The following KIAA1328 variants were observed in gnomAD, a reference collection of about 807,000 sequenced individuals.
KIAA1328 encodes KIAA1328, also known as protein hinderin.
In KIAA1328, 52 loss-of-function variants were observed where a neutral mutation model predicts 68.1. The observed-to-expected ratio is 0.76, with a 90% CI of 0.61 to 0.96. The LOEUF (loss-of-function observed/expected upper bound fraction) is 0.96, where lower values mean the gene tolerates loss of function less well. Ranked by LOEUF, KIAA1328 falls within the 40% of genes least tolerant of loss-of-function variation. KIAA1328 has a pLI of 0.00. For synonymous variants in KIAA1328, 232 were observed against 239.4 expected (o/e 0.97, Z 0.28); for missense variants, 641 against 677.6 (o/e 0.95, Z 0.60).
At chr18:36,993,994 AACT>A (rs1221191755) in intron 6 of KIAA1328, among the ~76,000 whole-genome samples, 2 of 152,126 alleles carry the variant, frequency 1.3e-5, no homozygotes, top group East Asian at 3.9e-4. Flanking sequence ...GAAAAGCTAA[AACT>A]ACAATTCTAT....
chr18:37,069,723 G>A (rs537371777), intron 7 of KIAA1328, among the ~76,000 whole-genome samples: 2 of 152,002 alleles, frequency 1.3e-5, no homozygotes, highest in East Asian at 3.9e-4. Context: ...ATTATCTATT[G>A]GATAATCTGC....
At chr18:37,002,236 T>G (rs1476890317) in intron 6 of KIAA1328, among the ~76,000 whole-genome samples, 1 of 145,810 alleles carries the variant, frequency 6.9e-6, no homozygotes, top group African/African-American at 2.5e-5. Context: ...TTCTTTTTTT[T>G]TTTTTTTTTT....
chr18:36,853,955 G>T (rs2047300925), intron 4 of KIAA1328, among the ~76,000 whole-genome samples: 1 of 152,118 alleles, frequency 6.6e-6, no homozygotes, highest in South Asian at 2.1e-4. Context: ...ACTGCACCCG[G>T]CCCACTGTGT....
chr18:37,207,193 G>C (rs2060231498), intron 9 of KIAA1328, among the ~76,000 whole-genome samples: 1 of 152,172 alleles, frequency 6.6e-6, no homozygotes, highest in African/African-American at 2.4e-5. Context: ...GAAGTTTCTA[G>C]ATGACATTGG....
intron 6 of KIAA1328, among the ~76,000 whole-genome samples, chr18:37,037,885 A>T (rs2055089822): frequency 1.3e-5 from 2 of 152,144 alleles, no homozygotes; most frequent in African/African-American, 4.8e-5. Flanking sequence ...GCTGATCACG[A>T]GGTCAGGAGA....
At position 37,007,729 on chromosome 18, in the gene KIAA1328, A is replaced by G. The variant is rs1033259097; in HGVS notation, c.576+48294A>G. On this transcript the variant is annotated intron_variant, in intron 6 of 9. Coordinates refer to ENST00000280020, the MANE Select transcript of KIAA1328 (RefSeq NM_020776.3). Reference sequence around the variant, plus strand: ...CACCAAAAGGCTTTTGGCTGCAAGAAAGATAATTCAAAATAAAGCATGAAG... The same window carrying G: ...CACCAAAAGGCTTTTGGCTGCAAGAGAGATAATTCAAAATAAAGCATGAAG... 3.3e-5 allele frequency among the ~76,000 whole-genome samples: 5 copies of G among 152,190 alleles called. No homozygotes were observed. In the East Asian group the frequency reaches 9.6e-4, roughly 29 times the overall value.
chr18:37,060,025 G>A (rs2056085588), intron 6 of KIAA1328, among the ~76,000 whole-genome samples: 1 of 151,966 alleles, frequency 6.6e-6, no homozygotes, highest in South Asian at 2.1e-4. Context: ...GGGGGCTAGG[G>A]GAGGGATAGC....
intron 8 of KIAA1328, among the ~76,000 whole-genome samples, chr18:37,171,353 G>A (rs963159798): frequency 4.6e-5 from 7 of 151,914 alleles, no homozygotes; most frequent in Non-Finnish European, 8.8e-5. Flanking sequence ...CTGGGACTAG[G>A]ACTGCAGGCA....
At chr18:37,035,226 A>G (rs1384168842) in intron 6 of KIAA1328, among the ~76,000 whole-genome samples, 1 of 152,214 alleles carries the variant, frequency 6.6e-6, no homozygotes, top group Non-Finnish European at 1.5e-5. Flanking sequence ...ATCCATCATG[A>G]TGCTAGAAGG....
intron 5 of KIAA1328, among the ~76,000 whole-genome samples, chr18:36,955,118 C>T (rs2051351538): frequency 6.8e-6 from 1 of 146,442 alleles, no homozygotes; most frequent in Non-Finnish European, 1.5e-5. Flanking sequence ...GGTTAATAGG[C>T]ATCCCCTTAA....
intron 6 of KIAA1328, among the ~76,000 whole-genome samples, chr18:37,061,213 A>G (rs1160905515): frequency 6.6e-6 from 1 of 152,240 alleles, no homozygotes; most frequent in African/African-American, 2.4e-5. Flanking sequence ...ATGTTGAGCT[A>G]GAAAAACCAG....
At chr18:36,993,195 G>A (rs2053258508) in intron 6 of KIAA1328, among the ~76,000 whole-genome samples, 2 of 152,134 alleles carry the variant, frequency 1.3e-5, no homozygotes, top group African/African-American at 2.4e-5. Flanking sequence ...ACTAAAATGA[G>A]GCATGATTCT....
At chr18:37,101,867 A>G (rs961550910) in intron 7 of KIAA1328, among the ~76,000 whole-genome samples, 1 of 152,218 alleles carries the variant, frequency 6.6e-6, no homozygotes, top group Non-Finnish European at 1.5e-5. Flanking sequence ...AATATTCAAC[A>G]TTCTTAAAGA....
chr18:36,916,602 C>T (rs1184285009), intron 5 of KIAA1328, among the ~76,000 whole-genome samples: 1 of 151,862 alleles, frequency 6.6e-6, no homozygotes, highest in Non-Finnish European at 1.5e-5. Context: ...TCACTTGTAC[C>T]AGTCATTGTC....
At chr18:37,213,602 T>A (rs1378456006) in intron 9 of KIAA1328, among the ~76,000 whole-genome samples, 1 of 152,238 alleles carries the variant, frequency 6.6e-6, no homozygotes, top group East Asian at 1.9e-4. Context: ...AGTGCTGCAA[T>A]AAACATGCAT....
At chr18:36,967,095 C>G (rs576888742) in intron 6 of KIAA1328, among the ~76,000 whole-genome samples, 2 of 152,110 alleles carry the variant, frequency 1.3e-5, no homozygotes, top group Non-Finnish European at 2.9e-5. Context: ...TGGTTTCACT[C>G]TTGTGACTAT....
At chr18:36,918,523 C>T (rs1171306389) in intron 5 of KIAA1328, among the ~76,000 whole-genome samples, 1 of 151,108 alleles carries the variant, frequency 6.6e-6, no homozygotes, top group Non-Finnish European at 1.5e-5. Context: ...AGCAGTTCTC[C>T]TGCCTCAGCC....
intron 7 of KIAA1328, among the ~76,000 whole-genome samples, chr18:37,087,327 TG>T (rs1275375011): frequency 6.6e-6 from 1 of 152,220 alleles, no homozygotes; most frequent in Non-Finnish European, 1.5e-5. Context: ...CCCAAAGAGC[TG>T]GGATTATAGG....
chr18:37,115,035 A>G (rs182990832), intron 7 of KIAA1328, among the ~76,000 whole-genome samples: 1 of 151,864 alleles, frequency 6.6e-6, no homozygotes, highest in African/African-American at 2.4e-5. Flanking sequence ...GCCTACCAAC[A>G]AAAAAAAGTC....
Sources: gnomAD v4.1 joint callset for allele counts (sites outside exome capture counted in the v4.1 genomes callset) on GRCh38, gnomAD v4.1.1 for gene constraint, MANE v1.5 for transcripts, NCBI Gene and HGNC (gene_info 2026-07-23, HGNC 2026-07-21) for gene names.